Variants in PLD5 observed in about 807,000 individuals in gnomAD.
PLD5 encodes phospholipase D family member 5.
In PLD5, 36 loss-of-function variants were observed where a neutral mutation model predicts 61.1. That is an observed-to-expected ratio of 0.59 (90% CI 0.45 to 0.78). The LOEUF is 0.78. PLD5 is among the 30% of genes least tolerant of loss of function. The pLI, the probability that PLD5 is intolerant of heterozygous loss-of-function variation, is 0.00. For missense variants in PLD5, 515 were observed against 644.4 expected (o/e 0.80, Z 2.17); for synonymous variants, 243 against 242.8 (o/e 1.00, Z -0.01).
intron 5 of PLD5, among the ~76,000 whole-genome samples, chr1:242,151,480 T>A (rs1185242245): frequency 6.6e-6 from 1 of 152,060 alleles, no homozygotes; most frequent in Admixed American, 6.6e-5. Flanking sequence ...AAAGATATCA[T>A]TTCATTGTTT....
intron 2 of PLD5, among the ~76,000 whole-genome samples, chr1:242,302,561 C>T (rs1433361090): frequency 1.3e-5 from 2 of 151,986 alleles, no homozygotes; most frequent in Non-Finnish European, 2.9e-5. Flanking sequence ...TACCAAAAAA[C>T]TTTAAACATT....
rs550803690 is a variant in PLD5 at position 242,238,353 on chromosome 1, T to C, written c.608-18238A>G. Among the ~76,000 whole-genome samples the C allele has an allele frequency of 2.0e-5, 3 of 152,332 alleles. No homozygotes were observed. The South Asian group carries it at 6.2e-4, about 32-fold the overall frequency. On this transcript the variant is annotated intron_variant, in intron 4 of 9. Transcript: ENST00000536534. ...CTACCCTCTTCCTGCACTTCATGGA[T>C]ACTCTGCATCCATTGCCCCGTCAGC...
chr1:242,093,628 TTGTACTCCA>T (rs373149561), intron 9 of PLD5, among the ~76,000 whole-genome samples: 3 of 152,134 alleles, frequency 2.0e-5, no homozygotes, highest in African/African-American at 7.2e-5. Flanking sequence ...CACCCTTTAC[TTGTACTCCA>T]TGTTGCCTCT....
At chr1:242,296,981 G>A (rs999346637) in intron 2 of PLD5, among the ~76,000 whole-genome samples, 2 of 152,124 alleles carry the variant, frequency 1.3e-5, no homozygotes, top group African/African-American at 4.8e-5. Flanking sequence ...CCAAAGTGCT[G>A]GGATTACAGG....
At chr1:242,443,921 C>T (rs1215769663) in intron 1 of PLD5, among the ~76,000 whole-genome samples, 1 of 152,176 alleles carries the variant, frequency 6.6e-6, no homozygotes, top group Middle Eastern at 3.2e-3. Context: ...TAGGCCACCA[C>T]ATCAATGGTA....
At chr1:242,329,171 T>C (rs1270898588) in intron 2 of PLD5, among the ~76,000 whole-genome samples, 1 of 152,002 alleles carries the variant, frequency 6.6e-6, no homozygotes, top group African/African-American at 2.4e-5. Flanking sequence ...CCACCACACC[T>C]GGCTAATTTT....
upstream of PLD5, among the ~76,000 whole-genome samples, chr1:242,528,784 T>G (rs771899711): frequency 6.6e-6 from 1 of 152,196 alleles, no homozygotes; most frequent in African/African-American, 2.4e-5. Context: ...CCAGGTTCAT[T>G]GACTCTCAAT....
chr1:242,482,153 C>G (rs1304384961), intron 1 of PLD5, among the ~76,000 whole-genome samples: 1 of 152,228 alleles, frequency 6.6e-6, no homozygotes, highest in Non-Finnish European at 1.5e-5. Context: ...CAGAGCGCCT[C>G]TCCTCCTCCA....
At chr1:242,155,555 G>T (rs1032574473) in intron 5 of PLD5, among the ~76,000 whole-genome samples, 1 of 152,194 alleles carries the variant, frequency 6.6e-6, no homozygotes, top group Non-Finnish European at 1.5e-5. Flanking sequence ...TTGTGTCTTT[G>T]TTCTCATTGG....
chr1:242,445,457 T>A (rs1666486827), intron 1 of PLD5, among the ~76,000 whole-genome samples: 1 of 152,176 alleles, frequency 6.6e-6, no homozygotes, highest in South Asian at 2.1e-4. Context: ...TTCTCCTGCC[T>A]CAGCCTCCCG....
chr1:242,364,468 G>A (rs1457328547), intron 1 of PLD5, among the ~76,000 whole-genome samples: 1 of 152,194 alleles, frequency 6.6e-6, no homozygotes, highest in Non-Finnish European at 1.5e-5. Flanking sequence ...TGTAATCCCA[G>A]CACTTTGGGA....
chr1:242,354,412 G>A (rs1235323186), intron 1 of PLD5, among the ~76,000 whole-genome samples: 8 of 152,156 alleles, frequency 5.3e-5, no homozygotes, highest in South Asian at 4.1e-4. Context: ...CCCTGGGCAC[G>A]TGGCCAATAA....
intron 1 of PLD5, among the ~76,000 whole-genome samples, chr1:242,420,018 C>T (rs1665050856): frequency 1.3e-5 from 2 of 152,132 alleles, no homozygotes; most frequent in Admixed American, 6.5e-5. Flanking sequence ...GGAACTCTCA[C>T]AAAATTCTTC....
intron 5 of PLD5, among the ~76,000 whole-genome samples, chr1:242,189,480 C>T (rs1179142576): frequency 6.7e-6 from 1 of 148,534 alleles, no homozygotes; most frequent in Admixed American, 6.7e-5. Flanking sequence ...GATTTTAGAG[C>T]TCTGTCCACA....
chr1:242,264,788 C>A (rs1170814111), intron 4 of PLD5, among the ~76,000 whole-genome samples: 1 of 151,686 alleles, frequency 6.6e-6, no homozygotes, highest in Non-Finnish European at 1.5e-5. Flanking sequence ...GACATTATAG[C>A]AAAATAAAAA....
intron 5 of PLD5, among the ~76,000 whole-genome samples, chr1:242,207,784 TTATATTTA>T (rs1245753296): frequency 3.4e-4 from 21 of 61,336 alleles, no homozygotes; most frequent in African/African-American, 2.5e-3. Flanking sequence ...TTATATATAT[TTATATTTA>T]TATATATTTA....
chr1:242,241,991 C>CTATA (rs71579089), intron 4 of PLD5, among the ~76,000 whole-genome samples: 19,973 of 115,134 alleles, frequency 0.17, 2,152 homozygotes, highest in Non-Finnish European at 0.22. Context: ...TATATACTTA[C>CTATA]TATATATATA....
intron 1 of PLD5, among the ~76,000 whole-genome samples, chr1:242,387,255 A>G (rs1662651860): frequency 6.6e-6 from 1 of 152,190 alleles, no homozygotes; most frequent in African/African-American, 2.4e-5. Flanking sequence ...CTAATTCTAA[A>G]TTGTACATGT....
intron 5 of PLD5, among the ~76,000 whole-genome samples, chr1:242,189,535 A>C (rs963236482): frequency 3.3e-5 from 5 of 151,992 alleles, no homozygotes; most frequent in Non-Finnish European, 5.9e-5. Flanking sequence ...ATTTATTGAG[A>C]ATCTTCCATG....
Sources: gnomAD v4.1 joint callset for allele counts (sites outside exome capture counted in the v4.1 genomes callset) on GRCh38, gnomAD v4.1.1 for gene constraint, MANE v1.5 for transcripts, NCBI Gene and HGNC (gene_info 2026-07-23, HGNC 2026-07-21) for gene names.